The following MARCHF1 variants were observed in gnomAD, a reference collection of about 807,000 sequenced individuals.
The protein encoded by MARCHF1 is membrane associated ring-CH-type finger 1.
MARCHF1 carries 40 observed loss-of-function variants against 54.2 expected under a neutral mutation model. The ratio of observed to expected loss-of-function variants is 0.74; its 90% confidence interval spans 0.57 to 0.96. The LOEUF is 0.96. Among genes scored for constraint, MARCHF1 ranks in the 40% least tolerant of loss-of-function variants. The probability of loss-of-function intolerance (pLI) is 0.00; values close to 1 mark genes in which losing one functional copy is unlikely to be tolerated. For missense variants in MARCHF1, 586 were observed against 656.5 expected (o/e 0.89, Z 1.17); for synonymous variants, 236 against 236.3 (o/e 1.00, Z 0.01).
intron 4 of MARCHF1, among the ~76,000 whole-genome samples, chr4:163,798,080 AC>A (rs1747971276): frequency 2.0e-5 from 3 of 152,310 alleles, no homozygotes; most frequent in South Asian, 4.1e-4. Context: ...ATATATCAAA[AC>A]CCTAATCACC....
intron 1 of MARCHF1, among the ~76,000 whole-genome samples, chr4:164,302,667 CAGG>C (rs534349680): frequency 9.1e-4 from 139 of 151,916 alleles, no homozygotes; most frequent in African/African-American, 3.2e-3. Flanking sequence ...AACTTGAGGC[CAGG>C]AGTTCAAGAT....
intron 3 of MARCHF1, among the ~76,000 whole-genome samples, chr4:163,886,746 C>T (rs1490656632): frequency 6.6e-6 from 1 of 152,068 alleles, no homozygotes; most frequent in African/African-American, 2.4e-5. Context: ...GATAGTCTTT[C>T]AGAAGCAGAA....
At position 164,181,032 on chromosome 4, in the gene MARCHF1, C is replaced by A. The variant is rs539627177; in HGVS notation, c.-322-69370G>T. On this transcript the variant is annotated intron_variant, in intron 1 of 9. Transcript: ENST00000514618. The stretch of plus-strand genomic sequence containing the variant: ...ATCATCTCATTTCCTTATTTAAAAT[C>A]CTATTTTACTGGAGTCCCACTGCTC... 1.8e-4 allele frequency among the ~76,000 whole-genome samples: 28 copies of A among 152,246 alleles called. No individual in the cohort carries two copies. The South Asian group carries it at 5.8e-3, about 32-fold the overall frequency.
intron 2 of MARCHF1, among the ~76,000 whole-genome samples, chr4:164,082,328 C>T (rs971320151): frequency 6.6e-6 from 1 of 152,126 alleles, no homozygotes; most frequent in African/African-American, 2.4e-5. Context: ...TTTCTTAGTG[C>T]CATCAGCTTA....
intron 2 of MARCHF1, among the ~76,000 whole-genome samples, chr4:164,101,840 A>C (rs905466996): frequency 6.6e-6 from 1 of 151,940 alleles, no homozygotes; most frequent in African/African-American, 2.4e-5. Context: ...ATTCAAACCA[A>C]AGGCAAATAA....
At position 163,939,851 on chromosome 4, in the gene MARCHF1, T is replaced by C. The variant is rs145619588; in HGVS notation, c.-39+48650A>G. Among the ~76,000 whole-genome samples, 12 of 152,300 alleles carry C rather than the reference T, an allele frequency of 7.9e-5. No individual in the cohort carries two copies. In the East Asian group the frequency reaches 2.3e-3, roughly 29 times the overall value. ...CTAAGGAACTGCTTATGATACCACA[T>C]GTTTGAACTGACTAGAGAATTCAAT... On this transcript the variant is annotated intron_variant, in intron 3 of 9. Transcript: ENST00000514618.
intron 3 of MARCHF1, among the ~76,000 whole-genome samples, chr4:163,910,248 C>G (rs1245514221): frequency 6.6e-6 from 1 of 152,094 alleles, no homozygotes. Flanking sequence ...GCAGTATGAT[C>G]TCTTTCATAA....
At chr4:163,531,856 A>G (rs1011520446) in intron 9 of MARCHF1, among the ~76,000 whole-genome samples, 3 of 151,896 alleles carry the variant, frequency 2.0e-5, no homozygotes, top group Non-Finnish European at 4.4e-5. Context: ...AACAATGACA[A>G]CAACAAAAAC....
chr4:163,634,411 G>A (rs1560987840), intron 5 of MARCHF1, among the ~76,000 whole-genome samples: 1 of 146,812 alleles, frequency 6.8e-6, no homozygotes, highest in Non-Finnish European at 1.5e-5. Context: ...GATCTACCAA[G>A]CAAATGGAAA....
intron 1 of MARCHF1, among the ~76,000 whole-genome samples, chr4:164,137,608 C>T (rs1389414407): frequency 6.6e-6 from 1 of 151,964 alleles, no homozygotes; most frequent in Non-Finnish European, 1.5e-5. Flanking sequence ...TATGCTTTTT[C>T]AGGTTATATG....
chr4:163,692,522 A>G (rs973509017), intron 5 of MARCHF1, among the ~76,000 whole-genome samples: 9 of 152,160 alleles, frequency 5.9e-5, no homozygotes, highest in Non-Finnish European at 1.5e-5. Context: ...GTGTCTGGAC[A>G]TGAGTTATTA....
At chr4:164,220,468 T>C (rs1208961398) in intron 1 of MARCHF1, among the ~76,000 whole-genome samples, 1 of 145,840 alleles carries the variant, frequency 6.9e-6, no homozygotes, top group African/African-American at 2.5e-5. Flanking sequence ...TATATATAGG[T>C]ATGGAATATA....
At chr4:164,116,454 TTGTG>T (rs1279458604) in intron 1 of MARCHF1, among the ~76,000 whole-genome samples, 2 of 152,162 alleles carry the variant, frequency 1.3e-5, no homozygotes, top group Non-Finnish European at 2.9e-5. Flanking sequence ...AAGTGTGTGC[TTGTG>T]TGTGTGTTTA....
intron 7 of MARCHF1, among the ~76,000 whole-genome samples, chr4:163,597,543 CTAAA>C (rs1276424408): frequency 1.3e-5 from 2 of 152,080 alleles, no homozygotes; most frequent in East Asian, 3.8e-4. Context: ...ACATGAAAAT[CTAAA>C]TAGTGATTAT....
intron 7 of MARCHF1, among the ~76,000 whole-genome samples, chr4:163,600,305 C>T (rs918183057): frequency 1.2e-4 from 19 of 152,090 alleles, no homozygotes; most frequent in African/African-American, 2.7e-4. Context: ...TCTCAGCTTT[C>T]GGTTGCTCAT....
rs182484309 is a variant in MARCHF1, at chr4:163,563,499, A to G, written c.1192-17756T>C. 1.2e-4 allele frequency among the ~76,000 whole-genome samples: 18 copies of G among 152,260 alleles called. No individual in the cohort carries two copies. In the East Asian group the frequency reaches 3.3e-3, roughly 28 times the overall value. On this transcript the variant is annotated intron_variant, in intron 8 of 9. Coordinates refer to ENST00000514618, the MANE Select transcript of MARCHF1 (RefSeq NM_001394959.1). ...TCAACTACCTCCTCCCCTGGGAAGC[A>G]TTTTCTAATACACCCAGGCAGAAAT...
chr4:164,031,672 A>C (rs1753880980), intron 2 of MARCHF1, among the ~76,000 whole-genome samples: 1 of 152,068 alleles, frequency 6.6e-6, no homozygotes, highest in Non-Finnish European at 1.5e-5. Flanking sequence ...TGCATCCCAG[A>C]GATGAAGCCA....
At chr4:163,870,865 G>A (rs1446927339) in intron 3 of MARCHF1, among the ~76,000 whole-genome samples, 1 of 152,092 alleles carries the variant, frequency 6.6e-6, no homozygotes, top group Non-Finnish European at 1.5e-5. Context: ...CCAGAAGTTG[G>A]TTAATGAATA....
chr4:164,377,776 AACAG>A (rs1268225036), intron 1 of MARCHF1, among the ~76,000 whole-genome samples: 1 of 152,352 alleles, frequency 6.6e-6, no homozygotes, highest in East Asian at 1.9e-4. Flanking sequence ...AAATTTAAAA[AACAG>A]ACAAACAGTC....
Sources: allele counts gnomAD v4.1 joint callset (sites outside exome capture counted in the v4.1 genomes callset), GRCh38; gene constraint gnomAD v4.1.1; transcripts MANE v1.5; gene names NCBI Gene and HGNC (gene_info 2026-07-23, HGNC 2026-07-21).